Variants in PRH1 observed in about 807,000 individuals in gnomAD.
PRH1 encodes salivary acidic proline-rich phosphoprotein 1/2.
Under a neutral mutation model 7.9 loss-of-function variants are expected in PRH1, and 7 were observed. The observed-to-expected ratio is 0.89, with a 90% CI of 0.50 to 1.67. The LOEUF (loss-of-function observed/expected upper bound fraction) is 1.67, where lower values mean the gene tolerates loss of function less well. Among genes scored for constraint, PRH1 ranks in the 40% most tolerant of loss-of-function variants. The probability of loss-of-function intolerance (pLI) is 0.00; values close to 1 mark genes in which losing one functional copy is unlikely to be tolerated. For missense variants in PRH1, 109 were observed against 223.6 expected, an observed-to-expected ratio of 0.49 and a Z score of 3.27; for synonymous variants, 45 against 80.8, an observed-to-expected ratio of 0.56 and a Z score of 2.38.
In PRH1 at chr12:11,077,742, T is replaced by C. The variant is rs528814757; in HGVS notation, n.124-30554A>G. The stretch of plus-strand genomic sequence containing the variant: ...TTGAAAGGTGTATTGCATTCCTCAA[T>C]TTGATCTTCCAAGTCACATTTCCTT... On this transcript the variant is annotated intron_variant and non_coding_transcript_variant, in intron 1 of 4. Transcript: ENST00000541977. 192 of 1,218,330 alleles carry C rather than the reference T, an allele frequency of 1.6e-4. 4 individuals are homozygous for C. The South Asian group carries it at 2.1e-3, about 13-fold the overall frequency. 75.5% of individuals were successfully genotyped at this position (1,218,330 alleles called of 1,614,324 possible).
intron 2 of PRH1, among the ~76,000 whole-genome samples, chr12:10,944,907 C>T (rs537017970): frequency 6.6e-6 from 1 of 152,112 alleles, no homozygotes; most frequent in South Asian, 2.1e-4. Context: ...CAGGATGAGG[C>T]CTATTTGATC....
intron 1 of PRH1, among the ~76,000 whole-genome samples, chr12:10,988,039 T>G (rs1238228827): frequency 6.6e-6 from 1 of 152,150 alleles, no homozygotes; most frequent in Non-Finnish European, 1.5e-5. Flanking sequence ...GCTAGTACAC[T>G]GTTTTCAGAA....
At chr12:11,084,969 C>A (rs2136241197) in intron 1 of PRH1, among the ~76,000 whole-genome samples, 1 of 110,434 alleles carries the variant, frequency 9.1e-6, no homozygotes, top group Non-Finnish European at 2.1e-5. Flanking sequence ...CCTGCCATCA[C>A]ACCCAGCTAA....
At chr12:10,968,691 G>T (rs996760258) in intron 2 of PRH1, among the ~76,000 whole-genome samples, 5 of 152,202 alleles carry the variant, frequency 3.3e-5, no homozygotes, top group African/African-American at 1.2e-4. Context: ...GCTGGCAGGG[G>T]TGAAATCCAC....
chr12:11,140,145 T>C (rs577379040), intron 1 of PRH1, among the ~76,000 whole-genome samples: 4 of 152,156 alleles, frequency 2.6e-5, no homozygotes, highest in Admixed American at 2.0e-4. Flanking sequence ...TCTTTTCTTA[T>C]AAGCAAGTGT....
intron 1 of PRH1, among the ~76,000 whole-genome samples, chr12:11,042,458 A>C (rs546861140): frequency 6.7e-6 from 1 of 149,766 alleles, no homozygotes; most frequent in Admixed American, 6.7e-5. Flanking sequence ...GTAATGAGAT[A>C]AATTCTGCAA....
At chr12:11,027,035 C>G (rs1420805646) in intron 1 of PRH1, among the ~76,000 whole-genome samples, 1 of 150,950 alleles carries the variant, frequency 6.6e-6, no homozygotes, top group African/African-American at 2.4e-5. Flanking sequence ...GAGGCCGACA[C>G]GGGAAGATCA....
At position 11,156,109 on chromosome 12, in the gene PRH1, T is replaced by C. The variant is rs190169132; in HGVS notation, n.39+15313A>G. Among the ~76,000 whole-genome samples the C allele has an allele frequency of 5.0e-3, 756 of 152,306 alleles. 4 individuals are homozygous for C. Among genetic ancestry groups the C allele is most frequent in the Non-Finnish European group, 5.8e-3 (397 of 68,012 alleles). On this transcript the variant is annotated intron_variant and non_coding_transcript_variant, in intron 1 of 1. Coordinates refer to the PRH1 transcript ENST00000541175. ...CTTCAACTTTGTATTTTCAGTAACT[T>C]TTTTCTATCTGAAAATGTATCCTTT...
rs34946638 is a variant in PRH1 at position 10,992,469 on chromosome 12, G to T, written c.-125-18748C>A. On this transcript the variant is annotated intron_variant, in intron 1 of 3. Transcript: ENST00000539853. ...CCAGGCTAGAGTGCAGCCCAGGCTG[G>T]AGTGAAATGGCACAATCATAGCTTA... Among the ~76,000 whole-genome samples the T allele has an allele frequency of 7.2e-3, 1,100 of 152,240 alleles. 10 individuals carry two copies. The highest frequency in any genetic ancestry group is 0.051 in the Middle Eastern group (15 of 294).
chr12:11,054,789 A>G (rs1943291047), intron 1 of PRH1, among the ~76,000 whole-genome samples: 1 of 124,910 alleles, frequency 8.0e-6, no homozygotes, highest in Non-Finnish European at 1.6e-5. Context: ...TCAGAATCTG[A>G]TGTTTCTTTT....
intron 1 of PRH1, among the ~76,000 whole-genome samples, chr12:11,011,317 G>C (rs1312274139): frequency 1.3e-5 from 2 of 152,006 alleles, no homozygotes; most frequent in Admixed American, 1.3e-4. Context: ...TGTCAAACAG[G>C]AAAGCACCAG....
intron 1 of PRH1, among the ~76,000 whole-genome samples, chr12:11,112,134 C>G (rs1023809155): frequency 6.6e-6 from 1 of 152,124 alleles, no homozygotes; most frequent in East Asian, 1.9e-4. Flanking sequence ...AGACCAATAA[C>G]AAGTTCTGAA....
At chr12:10,933,138 G>A (rs973217005) in intron 2 of PRH1, among the ~76,000 whole-genome samples, 3 of 152,096 alleles carry the variant, frequency 2.0e-5, no homozygotes, top group Admixed American at 6.5e-5. Context: ...ATCAGGTAAA[G>A]CTTAAACAAG....
intron 1 of PRH1, among the ~76,000 whole-genome samples, chr12:11,017,075 C>T (rs1363895337): frequency 1.3e-5 from 2 of 152,250 alleles, no homozygotes; most frequent in African/African-American, 4.8e-5. Context: ...TGGTATCTTC[C>T]CTGAGCAGAG....
chr12:10,927,439 A>T (rs1950138685), intron 2 of PRH1, among the ~76,000 whole-genome samples: 1 of 152,214 alleles, frequency 6.6e-6, no homozygotes, highest in South Asian at 2.1e-4. Flanking sequence ...TGTGCCTAAG[A>T]TACAACCCAT....
intron 1 of PRH1, chr12:11,061,796 T>A: frequency 6.2e-7 from 1 of 1,614,172 alleles, no homozygotes; most frequent in Non-Finnish European, 8.5e-7. Context: ...CTCCTCAGTT[T>A]GATCTTCCAA....
intron 1 of PRH1, among the ~76,000 whole-genome samples, chr12:11,041,359 G>A (rs1284663394): frequency 7.2e-6 from 1 of 138,580 alleles, no homozygotes; most frequent in Admixed American, 7.1e-5. Flanking sequence ...TAGTTTTCAA[G>A]ACAAAAACTA....
intron 2 of PRH1, among the ~76,000 whole-genome samples, chr12:10,907,681 A>C (rs1414797248): frequency 1.3e-5 from 2 of 151,270 alleles, no homozygotes; most frequent in East Asian, 3.9e-4. Flanking sequence ...AAGGGCACTG[A>C]CATTGTGGTC....
chr12:10,918,689 TAACAA>T (rs1268144293), intron 2 of PRH1, among the ~76,000 whole-genome samples: 1 of 152,240 alleles, frequency 6.6e-6, no homozygotes, highest in Non-Finnish European at 1.5e-5. Flanking sequence ...TAATTCTATG[TAACAA>T]TTTACAAAAG....
Sources: allele counts gnomAD v4.1 joint callset (sites outside exome capture counted in the v4.1 genomes callset), GRCh38; gene constraint gnomAD v4.1.1; transcripts MANE v1.5; gene names NCBI Gene and HGNC (gene_info 2026-07-23, HGNC 2026-07-21).